Variants in FNIP2 observed in about 807,000 individuals in gnomAD.
FNIP2 encodes folliculin-interacting protein 2.
A neutral mutation model predicts 108.7 loss-of-function variants in FNIP2; 32 were observed. The ratio of observed to expected loss-of-function variants is 0.29; its 90% CI spans 0.22 to 0.40. The LOEUF (loss-of-function observed/expected upper bound fraction) is 0.40, where lower values mean the gene tolerates loss of function less well. Among genes scored for constraint, FNIP2 ranks in the 10% least tolerant of loss-of-function variants. The pLI is 1.00. For synonymous variants in FNIP2, 480 were observed against 496.7 expected (o/e 0.97, Z 0.45); for missense variants, 1,202 against 1,381.6 (o/e 0.87, Z 2.06).
chr4:158,796,538 T>C (rs769942403), intron 1 of FNIP2, among the ~76,000 whole-genome samples: 30 of 152,254 alleles, frequency 2.0e-4, no homozygotes, highest in Middle Eastern at 6.8e-3. Context: ...TTGGGCAAAA[T>C]CATTATTTGC....
At chr4:158,880,220 T>A (rs201642940) in intron 14 of FNIP2, among the ~76,000 whole-genome samples, 6,684 of 148,002 alleles carry the variant, frequency 0.045, 222 homozygotes, top group African/African-American at 0.077. Context: ...TAGACTGGAT[T>A]AAGAAAATGT....
At chr4:158,835,570 A>C in intron 7 of FNIP2, 94 bp downstream of exon 7, 18 of 1,108,324 alleles carry the variant, frequency 1.6e-5, no homozygotes, top group Non-Finnish European at 2.3e-5. Flanking sequence ...GATAACCCTC[A>C]TCCTGTTCTT....
At chr4:158,875,255 T>C (rs1172533309) in intron 14 of FNIP2, among the ~76,000 whole-genome samples, 2 of 152,046 alleles carry the variant, frequency 1.3e-5, no homozygotes, top group Non-Finnish European at 2.9e-5. Flanking sequence ...ACTTTTGCTT[T>C]GCCCAGGAGC....
chr4:158,869,419 C>G lies in FNIP2; in HGVS notation c.2783C>G (p.Pro928Arg). ...GGAGGGTCCTTGGAAGTGGAGCTGCCTCTGCCAAGGTAACTCCAGCAGGCT... is the reference window on the plus strand; with the variant it reads ...GGAGGGTCCTTGGAAGTGGAGCTGCGTCTGCCAAGGTAACTCCAGCAGGCT... ...RTGGSLEVEL[P>R]LPRSQSISTQ... The change falls in exon 13 of 17, where the codon CCT becomes CGT. Residue 928 changes from proline to arginine, a missense_variant. Pro to Arg is a moderately radical substitution (Grantham distance 103). Transcript: ENST00000264433. 6.3e-7 allele frequency: 1 copy of G among 1,598,612 alleles called. No individual in the cohort carries two copies. The highest frequency in any genetic ancestry group is 8.5e-7 in the Non-Finnish European group (1 of 1,173,860).
chr4:158,829,055 C>A, intron 2 of FNIP2, 24 bp from the exon 3 acceptor site: 1 of 1,562,594 alleles, frequency 6.4e-7, no homozygotes, highest in South Asian at 1.2e-5. Flanking sequence ...TAATCTTTTA[C>A]CTTGCCTGTC....
At chr4:158,778,596 T>C (rs1048620998) in intron 1 of FNIP2, among the ~76,000 whole-genome samples, 5 of 151,726 alleles carry the variant, frequency 3.3e-5, no homozygotes, top group Admixed American at 3.3e-4. Context: ...ACTATGATTA[T>C]AGTATATTAT....
chr4:158,774,265 G>C (rs948367754), intron 1 of FNIP2, among the ~76,000 whole-genome samples: 3 of 152,122 alleles, frequency 2.0e-5, no homozygotes, highest in African/African-American at 7.2e-5. Context: ...CCAAGAGGTA[G>C]GTGAAAATTT....
intron 1 of FNIP2, 60 bp downstream of exon 1, chr4:158,769,379 G>A (rs1775615027): frequency 1.7e-6 from 2 of 1,209,878 alleles, no homozygotes; most frequent in Non-Finnish European, 2.2e-6. Flanking sequence ...GGTGCTCGCC[G>A]GGGAGGGGAC....
chr4:158,809,941 G>T (rs573823777), intron 1 of FNIP2, among the ~76,000 whole-genome samples: 12 of 152,296 alleles, frequency 7.9e-5, no homozygotes, highest in African/African-American at 2.6e-4. Flanking sequence ...TACTTAACAA[G>T]AAAGTAAGTA....
chr4:158,839,437 A>G (rs536409410), intron 7 of FNIP2, among the ~76,000 whole-genome samples: 1 of 152,256 alleles, frequency 6.6e-6, no homozygotes, highest in South Asian at 2.1e-4. Flanking sequence ...AGCTCACTGC[A>G]TCACTGCAGC....
At chr4:158,845,081 T>C (rs74722106) in intron 7 of FNIP2, among the ~76,000 whole-genome samples, 1 of 152,238 alleles carries the variant, frequency 6.6e-6, no homozygotes, top group Non-Finnish European at 1.5e-5. Context: ...TTCTTCTTAA[T>C]GCACAAAACT....
chr4:158,825,240 A>G (rs1013794336), intron 1 of FNIP2, among the ~76,000 whole-genome samples: 6 of 152,266 alleles, frequency 3.9e-5, no homozygotes, highest in Admixed American at 3.9e-4. Context: ...TCTGTAATTT[A>G]TTAAGAATGA....
intron 1 of FNIP2, among the ~76,000 whole-genome samples, chr4:158,821,400 C>T (rs554467301): frequency 6.6e-6 from 1 of 152,360 alleles, no homozygotes; most frequent in Admixed American, 6.5e-5. Context: ...TTTTCATACC[C>T]CTTTTGAATC....
intron 1 of FNIP2, among the ~76,000 whole-genome samples, chr4:158,812,598 CA>C (rs2126513557): frequency 6.6e-6 from 1 of 151,944 alleles, no homozygotes; most frequent in African/African-American, 2.4e-5. Context: ...TTTTTTCCTT[CA>C]AAAAAATTTT....
intron 1 of FNIP2, among the ~76,000 whole-genome samples, chr4:158,823,457 G>C (rs1777995252): frequency 6.6e-6 from 1 of 152,070 alleles, no homozygotes; most frequent in Non-Finnish European, 1.5e-5. Flanking sequence ...GTAGAGATGG[G>C]GTTTCACCGT....
intron 1 of FNIP2, among the ~76,000 whole-genome samples, chr4:158,800,709 TTC>T (rs1371393571): frequency 6.6e-6 from 1 of 152,228 alleles, no homozygotes; most frequent in African/African-American, 2.4e-5. Context: ...GCTTTCTTTT[TTC>T]TGTTTTAGTT....
At chr4:158,881,523 G>A (rs575886478) in intron 14 of FNIP2, among the ~76,000 whole-genome samples, 1 of 152,194 alleles carries the variant, frequency 6.6e-6, no homozygotes, top group Admixed American at 6.5e-5. Context: ...CTGTACTGCT[G>A]CCATCTCCGC....
In FNIP2 at chr4:158,868,250, T is replaced by C. The variant is rs776642852; in HGVS notation, c.1614T>C (p.Ser538=). The C allele has an allele frequency of 2.5e-6, 4 of 1,613,918 alleles. No homozygotes were observed. The South Asian group carries it at 3.3e-5, about 13-fold the overall frequency. ...SELQENQLTW[S]GNHGEGDQVL... ...TACAAGAGAACCAGCTGACCTGGAG[T>C]GGCAATCATGGTGAAGGTGACCAAG... Residue 538 remains serine, a synonymous_variant, in exon 13 of 17, where the codon AGT becomes AGC. Transcript: ENST00000264433. The surrounding 1 kb of genome is among the most constrained non-coding windows in gnomAD (Gnocchi z 4.6).
rs150214664 is a variant in FNIP2, at chr4:158,828,636, A to C, written c.235-443A>C. On this transcript the variant is annotated intron_variant, in intron 2 of 16. Transcript: ENST00000264433. ...TCTCACAAACAAACAAACAAACAAAAAACCCTACGAGCCAGTCTGCCCAAA... is the reference window on the plus strand; with the variant it reads ...TCTCACAAACAAACAAACAAACAAACAACCCTACGAGCCAGTCTGCCCAAA... 2.5e-3 allele frequency among the ~76,000 whole-genome samples: 386 copies of C among 152,156 alleles called. 1 individual carries two copies. The highest frequency in any genetic ancestry group is 7.3e-3 in the African/African-American group (304 of 41,516).
Sources: gnomAD v4.1 joint callset for allele counts (sites outside exome capture counted in the v4.1 genomes callset) on GRCh38, gnomAD v4.1.1 for gene constraint, Gnocchi (gnomAD v3.1) non-coding constraint, MANE v1.5 for transcripts, NCBI Gene and HGNC (gene_info 2026-07-23, HGNC 2026-07-21) for gene names.